Variants in GNA14 observed in about 807,000 individuals in gnomAD.
GNA14 encodes the protein guanine nucleotide-binding protein subunit alpha-14.
GNA14 carries 50 observed loss-of-function variants against 42.0 expected under a neutral mutation model. That is an observed-to-expected ratio of 1.19 (90% CI 0.95 to 1.51). The LOEUF (loss-of-function observed/expected upper bound fraction) is 1.51, where lower values mean the gene tolerates loss of function less well. GNA14 is among the 40% of genes most tolerant of loss of function. The pLI is 0.00. For synonymous variants in GNA14, 173 were observed against 163.1 expected, an observed-to-expected ratio of 1.06 and a Z score of -0.46; for missense variants, 473 against 446.2, an observed-to-expected ratio of 1.06 and a Z score of -0.54.
chr9:77,481,643 G>A (rs1363447294), intron 2 of GNA14, among the ~76,000 whole-genome samples: 1 of 152,260 alleles, frequency 6.6e-6, no homozygotes. Flanking sequence ...AATGTTGACA[G>A]TGGGGTGTTA....
chr9:77,590,776 C>A (rs980354006), intron 1 of GNA14, among the ~76,000 whole-genome samples: 1 of 151,732 alleles, frequency 6.6e-6, no homozygotes, highest in African/African-American at 2.4e-5. Flanking sequence ...TATAAGCATC[C>A]CACACATGAG....
chr9:77,584,597 CA>C (rs1195874050), intron 1 of GNA14, among the ~76,000 whole-genome samples: 1 of 149,208 alleles, frequency 6.7e-6, no homozygotes, highest in African/African-American at 2.5e-5. Context: ...TGCCAAGGGG[CA>C]GGGAGGTGTT....
chr9:77,474,967 C>T (rs975119221), intron 2 of GNA14, among the ~76,000 whole-genome samples: 10 of 149,362 alleles, frequency 6.7e-5, no homozygotes, highest in East Asian at 1.9e-4. Context: ...AGACATAAAC[C>T]GGATTAGTTG....
intron 2 of GNA14, among the ~76,000 whole-genome samples, chr9:77,441,153 G>A (rs1475192603): frequency 6.6e-6 from 1 of 152,158 alleles, no homozygotes; most frequent in Non-Finnish European, 1.5e-5. Flanking sequence ...GTTTGGCTCT[G>A]TGTCCCCACC....
intron 2 of GNA14, among the ~76,000 whole-genome samples, chr9:77,510,430 G>T (rs1837144163): frequency 6.6e-6 from 1 of 152,174 alleles, no homozygotes; most frequent in African/African-American, 2.4e-5. Context: ...CCACCTCCTG[G>T]GTTCAAGCGA....
intron 1 of GNA14, among the ~76,000 whole-genome samples, chr9:77,638,014 A>ACT (rs35902724): frequency 6.6e-6 from 1 of 151,810 alleles, no homozygotes; most frequent in Non-Finnish European, 1.5e-5. Flanking sequence ...GTAATTAACG[A>ACT]CTCTCTCTCT....
chr9:77,438,283 T>C (rs570834140), intron 2 of GNA14, among the ~76,000 whole-genome samples: 21 of 150,008 alleles, frequency 1.4e-4, no homozygotes, highest in Non-Finnish European at 2.4e-4. Flanking sequence ...TTTTTTTTTT[T>C]AAAGACATAG....
At chr9:77,565,334 A>C (rs1376580566) in intron 1 of GNA14, among the ~76,000 whole-genome samples, 2 of 152,224 alleles carry the variant, frequency 1.3e-5, no homozygotes, top group East Asian at 3.8e-4. Flanking sequence ...ACTAGGGGGA[A>C]AATAATGTAA....
intron 1 of GNA14, among the ~76,000 whole-genome samples, chr9:77,622,311 C>G (rs968332375): frequency 1.3e-5 from 2 of 152,106 alleles, no homozygotes; most frequent in Non-Finnish European, 2.9e-5. Context: ...TTTTCTTCTT[C>G]AAATTTAAGG....
At chr9:77,470,943 A>G (rs1314081623) in intron 2 of GNA14, among the ~76,000 whole-genome samples, 2 of 152,210 alleles carry the variant, frequency 1.3e-5, no homozygotes, top group Non-Finnish European at 2.9e-5. Context: ...ATCTGCCCCC[A>G]TGATCCAGTC....
At chr9:77,626,113 T>C (rs1824008456) in intron 1 of GNA14, among the ~76,000 whole-genome samples, 1 of 151,366 alleles carries the variant, frequency 6.6e-6, no homozygotes, top group African/African-American at 2.4e-5. Flanking sequence ...AAAACAGACT[T>C]TAAATCAACG....
intron 2 of GNA14, among the ~76,000 whole-genome samples, chr9:77,475,682 A>C (rs1373935748): frequency 6.6e-6 from 1 of 152,166 alleles, no homozygotes; most frequent in Non-Finnish European, 1.5e-5. Flanking sequence ...CCTCCCAGGG[A>C]AAGATCAGGT....
intron 2 of GNA14, among the ~76,000 whole-genome samples, chr9:77,438,397 A>T (rs1835672973): frequency 6.6e-6 from 1 of 151,902 alleles, no homozygotes; most frequent in South Asian, 2.1e-4. Flanking sequence ...CCTCCCGAGT[A>T]GCTGGGATTA....
chr9:77,525,532 G>T (rs935633646), intron 2 of GNA14, among the ~76,000 whole-genome samples: 1 of 151,290 alleles, frequency 6.6e-6, no homozygotes, highest in Non-Finnish European at 1.5e-5. Context: ...GCCCAGGGAT[G>T]GTTTGTTCTT....
At chr9:77,539,669 CT>C (rs1263109484) in intron 1 of GNA14, among the ~76,000 whole-genome samples, 1 of 152,144 alleles carries the variant, frequency 6.6e-6, no homozygotes. Context: ...ATTTTTATTA[CT>C]GATTCAATCC....
At chr9:77,626,936 G>C (rs944299086) in intron 1 of GNA14, among the ~76,000 whole-genome samples, 6 of 152,102 alleles carry the variant, frequency 3.9e-5, no homozygotes, top group Non-Finnish European at 5.9e-5. Context: ...AAAAATCAAT[G>C]AACGCAGGAG....
At chr9:77,427,412 A>G (rs1835470596) in intron 5 of GNA14, among the ~76,000 whole-genome samples, 1 of 152,142 alleles carries the variant, frequency 6.6e-6, no homozygotes, top group Non-Finnish European at 1.5e-5. Context: ...AAATGGGTTA[A>G]TCCTCCACTA....
chr9:77,549,389 G>T (rs1837763128), intron 1 of GNA14, among the ~76,000 whole-genome samples: 1 of 152,150 alleles, frequency 6.6e-6, no homozygotes, highest in Middle Eastern at 3.2e-3. Context: ...TGAACTCCAT[G>T]AATTCTAACA....
chr9:77,500,259 C>A (rs192835407), intron 2 of GNA14, among the ~76,000 whole-genome samples: 187 of 152,192 alleles, frequency 1.2e-3, no homozygotes, highest in South Asian at 2.3e-3. Flanking sequence ...CTCAGGGGAT[C>A]CACCTGCCTC....
Sources: allele counts gnomAD v4.1 joint callset (sites outside exome capture counted in the v4.1 genomes callset), GRCh38; gene constraint gnomAD v4.1.1; transcripts MANE v1.5; gene names NCBI Gene and HGNC (gene_info 2026-07-23, HGNC 2026-07-21).